PCDHA5: variants seen among roughly 807,000 people sequenced by gnomAD.
PCDHA5 encodes the protein protocadherin alpha 5.
PCDHA5 carries 43 observed loss-of-function variants against 61.6 expected under a neutral mutation model. The observed-to-expected ratio is 0.70, with a 90% CI of 0.55 to 0.90. PCDHA5 has a LOEUF of 0.90. Among genes scored for constraint, PCDHA5 ranks in the 40% least tolerant of loss-of-function variants. The pLI is 0.00. For synonymous variants in PCDHA5, 627 were observed against 543.9 expected (o/e 1.15, Z -2.13); for missense variants, 1,298 against 1,222.7 (o/e 1.06, Z -0.92).
At chr5:140,877,921 T>C (rs2153357057) in intron 1 of PCDHA5, 1 of 1,422,868 alleles carries the variant, frequency 7.0e-7, no homozygotes, top group South Asian at 1.6e-5. Context: ...CTCATTTTTC[T>C]TTATGATTCT....
chr5:140,861,433 C>T (rs1177274871), intron 1 of PCDHA5: 1 of 489,666 alleles, frequency 2.0e-6, no homozygotes, highest in Non-Finnish European at 4.2e-6. Context: ...CAGTTGGATT[C>T]CAAAAGCCGC....
chr5:140,873,995 G>A (rs1218409385), intron 1 of PCDHA5, among the ~76,000 whole-genome samples: 9 of 152,284 alleles, frequency 5.9e-5, no homozygotes, highest in African/African-American at 2.2e-4. Context: ...AGCATGTATG[G>A]TACATTGACC....
chr5:140,883,356 C>T (rs147755059), intron 1 of PCDHA5: 31 of 1,614,190 alleles, frequency 1.9e-5, no homozygotes, highest in Non-Finnish European at 2.3e-5. Flanking sequence ...AGAGAAGACA[C>T]TCAGCCTAGC....
At chr5:140,980,354 G>A (rs1387213682) in intron 2 of PCDHA5, among the ~76,000 whole-genome samples, 1 of 152,138 alleles carries the variant, frequency 6.6e-6, no homozygotes, top group Non-Finnish European at 1.5e-5. Flanking sequence ...TTCCTGGACT[G>A]GGCGCGGTGG....
chr5:140,912,445 A>C (rs1165607499), intron 1 of PCDHA5, among the ~76,000 whole-genome samples: 1 of 151,772 alleles, frequency 6.6e-6, no homozygotes, highest in African/African-American at 2.4e-5. Flanking sequence ...ATTTGTGTGC[A>C]TTGATTTTGT....
chr5:140,832,222 T>A (rs1554133477), intron 1 of PCDHA5, among the ~76,000 whole-genome samples: 1 of 152,164 alleles, frequency 6.6e-6, no homozygotes, highest in Non-Finnish European at 1.5e-5. Context: ...TTTCCTGGAG[T>A]TGGTTTTGAC....
chr5:140,949,978 C>T (rs557456282), intron 1 of PCDHA5, among the ~76,000 whole-genome samples: 1 of 151,916 alleles, frequency 6.6e-6, no homozygotes, highest in East Asian at 1.9e-4. Context: ...AGCATACATA[C>T]TTAACTTTTC....
At position 140,850,688 on chromosome 5, in the gene PCDHA5, G is replaced by T. The variant is rs370343489; in HGVS notation, c.2352+26561G>T. ...GCTCGGCGATGCCCACCGAGGGCGA[G>T]TGCGCGCCTGGCAAGCCGACGCTGG... On this transcript the variant is annotated intron_variant, in intron 1 of 3. Coordinates refer to ENST00000529859, the MANE Select transcript of PCDHA5 (RefSeq NM_018908.3). The T allele has an allele frequency of 5.0e-6, 8 of 1,598,504 alleles. 1 individual carries two copies. Among genetic ancestry groups the T allele is most frequent in the Non-Finnish European group, 6.9e-6 (8 of 1,167,882 alleles).
chr5:140,902,798 T>C (rs1554190660), intron 1 of PCDHA5, among the ~76,000 whole-genome samples: 1 of 152,156 alleles, frequency 6.6e-6, no homozygotes, highest in Admixed American at 6.5e-5. Context: ...CACTTGTATG[T>C]GAGAATATAC....
intron 1 of PCDHA5, chr5:140,929,344 A>G: frequency 6.5e-7 from 1 of 1,531,050 alleles, no homozygotes; most frequent in South Asian, 1.3e-5. Flanking sequence ...ATTTTATGGA[A>G]TTTGATTCCT....
intron 3 of PCDHA5, among the ~76,000 whole-genome samples, chr5:141,006,446 C>T (rs2098274720): frequency 1.3e-5 from 2 of 152,066 alleles, no homozygotes; most frequent in South Asian, 4.1e-4. Flanking sequence ...ATCTCCTGAC[C>T]TCGAGATCTG....
In PCDHA5 at chr5:140,830,082, C is replaced by T. The variant is rs1330292023; in HGVS notation, c.2352+5955C>T. On this transcript the variant is annotated intron_variant, in intron 1 of 3. Coordinates refer to ENST00000529859, the MANE Select transcript of PCDHA5 (RefSeq NM_018908.3). ...GAGCCGGCGCTGACAGCGACGGCCA[C>T]GGTTCTGGTGTCGCTGGTGGAGAGT... 8.7e-6 allele frequency: 14 copies of T among 1,613,566 alleles called. No homozygotes were observed. The highest frequency in any genetic ancestry group is 1.3e-5 in the African/African-American group (1 of 75,018).
At chr5:140,957,641 T>G (rs1554223056) in intron 1 of PCDHA5, among the ~76,000 whole-genome samples, 1 of 152,110 alleles carries the variant, frequency 6.6e-6, no homozygotes, top group African/African-American at 2.4e-5. Flanking sequence ...AGAAATGCAC[T>G]TAAATATTCA....
At chr5:140,906,993 C>T (rs1361320380) in intron 1 of PCDHA5, among the ~76,000 whole-genome samples, 1 of 152,146 alleles carries the variant, frequency 6.6e-6, no homozygotes, top group African/African-American at 2.4e-5. Flanking sequence ...CAGCATTCCT[C>T]CCTCTGGAAC....
At chr5:140,937,329 G>T (rs1406340473) in intron 1 of PCDHA5, among the ~76,000 whole-genome samples, 1 of 152,050 alleles carries the variant, frequency 6.6e-6, no homozygotes, top group Admixed American at 6.5e-5. Flanking sequence ...GAGCCACCGC[G>T]CCCGGCTTCT....
intron 3 of PCDHA5, among the ~76,000 whole-genome samples, chr5:141,000,421 A>ATTTTTTTTTTT (rs34755515): frequency 3.6e-5 from 1 of 27,968 alleles, no homozygotes; most frequent in Non-Finnish European, 5.7e-5. Context: ...ATATATATAT[A>ATTTTTTTTTTT]TTTTTTTTTT....
chr5:140,942,660 A>G (rs145204660), intron 1 of PCDHA5, among the ~76,000 whole-genome samples: 2 of 152,306 alleles, frequency 1.3e-5, no homozygotes, highest in East Asian at 1.9e-4. Context: ...CAGAAAAGCA[A>G]TAAGCACAAA....
At chr5:140,854,961 T>C (rs557755220) in intron 1 of PCDHA5, among the ~76,000 whole-genome samples, 1 of 150,064 alleles carries the variant, frequency 6.7e-6, no homozygotes, top group South Asian at 2.1e-4. Flanking sequence ...TTAATTACTT[T>C]ATTCAGAATT....
intron 1 of PCDHA5, chr5:140,884,214 T>G: frequency 6.2e-7 from 1 of 1,613,446 alleles, no homozygotes; most frequent in African/African-American, 1.3e-5. Context: ...CGCCTTCTGG[T>G]GCTGGTGAAG....
Sources: allele counts gnomAD v4.1 joint callset (sites outside exome capture counted in the v4.1 genomes callset), GRCh38; gene constraint gnomAD v4.1.1; transcripts MANE v1.5; gene names NCBI Gene and HGNC (gene_info 2026-07-23, HGNC 2026-07-21).